Variants in LYN observed in about 807,000 individuals in gnomAD.
LYN encodes tyrosine-protein kinase Lyn.
Under a neutral mutation model 65.0 loss-of-function variants are expected in LYN, and 12 were observed. The ratio of observed to expected loss-of-function variants is 0.18; its 90% CI spans 0.12 to 0.30. The LOEUF is 0.30. Ranked by LOEUF, LYN falls within the 10% of genes least tolerant of loss-of-function variation. The pLI is 1.00. For missense variants in LYN, 380 were observed against 623.2 expected (o/e 0.61, Z 4.16); for synonymous variants, 222 against 221.2 (o/e 1.00, Z -0.03).
At chr8:55,992,660 C>T (rs1808281390) in intron 10 of LYN, among the ~76,000 whole-genome samples, 1 of 152,164 alleles carries the variant, frequency 6.6e-6, no homozygotes, top group Admixed American at 6.5e-5. Context: ...TTGTTGCAAT[C>T]CTAAAATAGC....
chr8:55,947,110 G>A (rs1332044673), intron 3 of LYN, among the ~76,000 whole-genome samples: 5 of 152,154 alleles, frequency 3.3e-5, no homozygotes, highest in African/African-American at 7.2e-5. Context: ...TTAGCCAGGC[G>A]TGGTGGTGGG....
At chr8:55,954,030 A>G in intron 8 of LYN, 46 bp downstream of exon 8, 1 of 1,597,468 alleles carries the variant, frequency 6.3e-7, no homozygotes, top group Non-Finnish European at 8.5e-7. Flanking sequence ...AGATGGTGAC[A>G]GGAGAAGTAA....
chr8:55,882,095 G>A (rs1804667111), intron 1 of LYN, among the ~76,000 whole-genome samples: 1 of 152,182 alleles, frequency 6.6e-6, no homozygotes, highest in African/African-American at 2.4e-5. Context: ...CCCACATTTA[G>A]TGTGGGTAAC....
chr8:55,880,424 C>T (rs1475490277), intron 1 of LYN, among the ~76,000 whole-genome samples: 1 of 152,108 alleles, frequency 6.6e-6, no homozygotes, highest in Non-Finnish European at 1.5e-5. Flanking sequence ...GTGTCCTTCC[C>T]GGTGAGGGCC....
rs1808888471 is a variant in LYN at position 56,014,143 on chromosome 8, C to T, written c.*4033C>T. ...GATTGGCTTCGCTTCATATTGTTTC[C>T]TTGTGAAATAAAACCAGTGAAACAC... On this transcript the variant is annotated 3_prime_UTR_variant, in exon 13 of 13. Transcript: ENST00000519728. 1 of 152,138 alleles carries T rather than the reference C, an allele frequency of 6.6e-6. No individual in the cohort carries two copies. The highest frequency in any genetic ancestry group is 6.6e-5 in the Admixed American group (1 of 15,254). 9.4% of individuals were successfully genotyped at this position (152,138 alleles called of 1,614,324 possible). A position where few individuals can be genotyped will look rare whatever the true frequency, so the allele number is the denominator to read the frequency against.
chr8:55,992,048 C>G (rs1410614431), intron 10 of LYN, among the ~76,000 whole-genome samples: 1 of 152,282 alleles, frequency 6.6e-6, no homozygotes, highest in Admixed American at 6.5e-5. Flanking sequence ...TAGCTTCACA[C>G]ATCAACTTTC....
At chr8:55,901,381 G>A (rs1036540874) in intron 1 of LYN, among the ~76,000 whole-genome samples, 1 of 152,148 alleles carries the variant, frequency 6.6e-6, no homozygotes, top group Non-Finnish European at 1.5e-5. Flanking sequence ...GTAAGTGATG[G>A]TATTTTTACA....
At chr8:55,897,869 C>T (rs7828619) in intron 1 of LYN, among the ~76,000 whole-genome samples, 58,816 of 151,750 alleles carry the variant, frequency 0.39, 11,680 homozygotes, top group Middle Eastern at 0.54. Context: ...GTCGAGATCG[C>T]GCCACTGTAC....
chr8:55,952,140 A>G, intron 7 of LYN, 25 bp downstream of exon 7: 2 of 1,558,020 alleles, frequency 1.3e-6, no homozygotes, highest in Non-Finnish European at 1.7e-6. Flanking sequence ...AAGGTTCAAC[A>G]AGACAAGATA....
intron 8 of LYN, among the ~76,000 whole-genome samples, chr8:55,960,709 T>A (rs1157584477): frequency 6.6e-6 from 1 of 152,254 alleles, no homozygotes; most frequent in Admixed American, 6.5e-5. Context: ...TAAAATTCTA[T>A]CACTGTTAAC....
chr8:55,919,148 G>T (rs1454046663), intron 1 of LYN, among the ~76,000 whole-genome samples: 1 of 151,974 alleles, frequency 6.6e-6, no homozygotes, highest in Non-Finnish European at 1.5e-5. Flanking sequence ...GGAGAAAGAG[G>T]ATCTCAATTA....
intron 1 of LYN, among the ~76,000 whole-genome samples, chr8:55,883,097 G>A (rs1490373935): frequency 1.3e-5 from 2 of 152,150 alleles, no homozygotes; most frequent in African/African-American, 2.4e-5. Context: ...CTGACACAAA[G>A]CCCATTTGAT....
At chr8:55,944,729 C>G (rs1294337494) in intron 2 of LYN, among the ~76,000 whole-genome samples, 1 of 152,206 alleles carries the variant, frequency 6.6e-6, no homozygotes, top group African/African-American at 2.4e-5. Flanking sequence ...GATTCACCCA[C>G]CTCGGCCTCT....
chr8:55,953,254 A>G (rs575852700), intron 7 of LYN, among the ~76,000 whole-genome samples: 2 of 152,264 alleles, frequency 1.3e-5, no homozygotes, highest in East Asian at 3.9e-4. Context: ...AAGTGTGACA[A>G]TCTGGCAGCC....
rs79308980 is a variant in LYN, at chr8:55,912,400, C to T, written c.-5-29455C>T. Among the ~76,000 whole-genome samples, 747 of 152,260 alleles carry T rather than the reference C, an allele frequency of 4.9e-3. 7 individuals are homozygous for T. The highest frequency in any genetic ancestry group is 0.017 in the African/African-American group (689 of 41,552). ...TTATGGTTAGACTATACCATGCCTG[C>T]GCTTAAGTAGTTTTTGAAATTTTAA... On this transcript the variant is annotated intron_variant, in intron 1 of 12. Coordinates refer to ENST00000519728, the MANE Select transcript of LYN (RefSeq NM_002350.4).
At chr8:55,900,969 G>A (rs769571925) in intron 1 of LYN, among the ~76,000 whole-genome samples, 15 of 152,042 alleles carry the variant, frequency 9.9e-5, no homozygotes, top group Non-Finnish European at 1.9e-4. Flanking sequence ...CAAAGAAGAC[G>A]TGGATTGAGT....
chr8:55,926,196 A>G (rs1806106340), intron 1 of LYN, among the ~76,000 whole-genome samples: 1 of 152,208 alleles, frequency 6.6e-6, no homozygotes, highest in African/African-American at 2.4e-5. Flanking sequence ...TTTACCCCCC[A>G]GATCCAACCA....
chr8:56,010,016 A>G lies in LYN; in HGVS notation c.1445A>G (p.Glu482Gly), dbSNP rs1428596452. 1 of 1,614,156 alleles carries G rather than the reference A, an allele frequency of 6.2e-7. No homozygotes were observed. Among genetic ancestry groups the G allele is most frequent in the Admixed American group, 1.7e-5 (1 of 60,016 alleles). ...LYDIMKMCWK[E>G]KAEERPTFDY... ...GACATTATGAAAATGTGCTGGAAAG[A>G]AAAGGCAGAAGAGAGACCAACGTTT... The change falls in exon 13 of 13, where the codon GAA (glutamate) becomes GGA (glycine). Residue 482 changes from glutamate (E) to glycine (G), a missense_variant. By Grantham distance (98) the Glu-to-Gly change is moderately conservative (BLOSUM62 -2). Around this residue, in one of 2 missense-constraint regions of LYN, gnomAD observed 223 missense variants for 430.0 expected, o/e 0.52. Transcript: ENST00000519728.
intron 1 of LYN, among the ~76,000 whole-genome samples, chr8:55,905,788 A>G (rs1244209599): frequency 2.0e-5 from 3 of 152,116 alleles, no homozygotes; most frequent in Non-Finnish European, 2.9e-5. Context: ...TGTCATATGC[A>G]TCATGTGAGT....
Sources: allele counts gnomAD v4.1 joint callset (sites outside exome capture counted in the v4.1 genomes callset), GRCh38; gene constraint gnomAD v4.1.1; regional missense constraint gnomAD v4.1.1; transcripts MANE v1.5; gene names NCBI Gene and HGNC (gene_info 2026-07-23, HGNC 2026-07-21).